SAE1: variants seen among roughly 807,000 people sequenced by gnomAD.
SAE1 encodes the protein SUMO-activating enzyme subunit 1.
A neutral mutation model predicts 40.6 loss-of-function variants in SAE1; 11 were observed. The observed-to-expected ratio is 0.27, with a 90% CI of 0.17 to 0.45. SAE1 has a LOEUF of 0.45. Among genes scored for constraint, SAE1 ranks in the 20% least tolerant of loss-of-function variants. The probability of loss-of-function intolerance (pLI) is 1.00; values close to 1 mark genes in which losing one functional copy is unlikely to be tolerated. For missense variants in SAE1, 373 were observed against 427.3 expected (o/e 0.87, Z 1.12); for synonymous variants, 155 against 154.3 (o/e 1.00, Z -0.03).
At chr19:47,168,368 G>A (rs1046882298) in intron 5 of SAE1, among the ~76,000 whole-genome samples, 1 of 151,826 alleles carries the variant, frequency 6.6e-6, no homozygotes, top group Admixed American at 6.6e-5. Context: ...GCAGTGGTAC[G>A]ATCTGGCTCA....
chr19:47,162,743 C>A (rs548042290), intron 5 of SAE1, among the ~76,000 whole-genome samples: 1 of 152,218 alleles, frequency 6.6e-6, no homozygotes, highest in South Asian at 2.1e-4. Context: ...GTAATCCCAG[C>A]ACTTTGGGAA....
intron 2 of SAE1, among the ~76,000 whole-genome samples, chr19:47,149,961 G>A (rs1191877425): frequency 1.3e-5 from 2 of 151,446 alleles, no homozygotes; most frequent in Admixed American, 1.3e-4. Flanking sequence ...TGTAGTCCCA[G>A]CTACTTGGGA....
chr19:47,154,880 A>G (rs923852853), intron 4 of SAE1, among the ~76,000 whole-genome samples: 1 of 152,194 alleles, frequency 6.6e-6, no homozygotes, highest in African/African-American at 2.4e-5. Flanking sequence ...TGTGCCCAGC[A>G]GTGTGCTGAG....
At chr19:47,151,421 G>A (rs905546341) in intron 3 of SAE1, among the ~76,000 whole-genome samples, 3 of 151,912 alleles carry the variant, frequency 2.0e-5, no homozygotes, top group Non-Finnish European at 4.4e-5. Flanking sequence ...AAAGTGGTGG[G>A]ATTACAGGTG....
intron 3 of SAE1, among the ~76,000 whole-genome samples, chr19:47,151,938 G>T (rs2058290915): frequency 6.6e-6 from 1 of 152,208 alleles, no homozygotes; most frequent in Non-Finnish European, 1.5e-5. Context: ...TTTAGACTCT[G>T]CAGGGTTCCA....
chr19:47,170,028 A>G, intron 6 of SAE1, 105 bp downstream of exon 6: 1 of 814,764 alleles, frequency 1.2e-6, no homozygotes, highest in Non-Finnish European at 2.1e-6. Flanking sequence ...CTTGGGTGGC[A>G]TTCTTCATTG....
At chr19:47,148,336 T>C (rs1349755447) in intron 2 of SAE1, among the ~76,000 whole-genome samples, 1 of 151,594 alleles carries the variant, frequency 6.6e-6, no homozygotes, top group Non-Finnish European at 1.5e-5. Context: ...AGATAGAGAG[T>C]GTGCTGTGGA....
chr19:47,204,323 A>T (rs895942727), intron 8 of SAE1, among the ~76,000 whole-genome samples: 5 of 148,562 alleles, frequency 3.4e-5, no homozygotes, highest in Admixed American at 6.9e-5. Context: ...TTAGCCTTCC[A>T]AGTAGCTGGG....
intron 5 of SAE1, among the ~76,000 whole-genome samples, chr19:47,158,812 G>A (rs118081969): frequency 0.013 from 2,028 of 152,340 alleles, 101 homozygotes; most frequent in Admixed American, 0.096. Flanking sequence ...CCACACAGCT[G>A]TGGAAGAAGG....
chr19:47,156,573 G>A (rs1383138534), intron 5 of SAE1, among the ~76,000 whole-genome samples: 1 of 151,656 alleles, frequency 6.6e-6, no homozygotes, highest in Non-Finnish European at 1.5e-5. Flanking sequence ...GTCCAGGCTG[G>A]AGTGGCACAA....
At chr19:47,194,330 G>C (rs1195549038) in intron 6 of SAE1, among the ~76,000 whole-genome samples, 1 of 152,186 alleles carries the variant, frequency 6.6e-6, no homozygotes, top group Non-Finnish European at 1.5e-5. Context: ...TCAGTCTGGG[G>C]TGGGTACCAA....
At chr19:47,169,235 G>A (rs538816570) in intron 5 of SAE1, among the ~76,000 whole-genome samples, 1 of 152,190 alleles carries the variant, frequency 6.6e-6, no homozygotes, top group African/African-American at 2.4e-5. Flanking sequence ...AATACAGCCA[G>A]AGGTTTTTTA....
At chr19:47,141,426 G>T (rs1195246344) in intron 1 of SAE1, among the ~76,000 whole-genome samples, 1 of 152,168 alleles carries the variant, frequency 6.6e-6, no homozygotes. Flanking sequence ...ACAGGCATGA[G>T]TCACCGGGCC....
rs137903335 is a variant in SAE1, at chr19:47,174,603, C to T, written c.733+4680C>T. 3.7e-3 allele frequency among the ~76,000 whole-genome samples: 490 copies of T among 131,420 alleles called. 3 individuals are homozygous for T. The highest frequency in any genetic ancestry group is 0.012 in the African/African-American group (393 of 33,964). The allele number at this position is 131,420 out of a possible 152,430, so 86.2% of individuals were successfully genotyped here. ...TTTTTTTTTTTGTGAGACGGAGTCT[C>T]GCTCTGTCTCCCAGCCTGGAGTGCA... On this transcript the variant is annotated intron_variant, in intron 6 of 8. Transcript: ENST00000270225.
intron 6 of SAE1, among the ~76,000 whole-genome samples, chr19:47,170,371 C>A (rs1454734833): frequency 6.6e-6 from 1 of 151,800 alleles, no homozygotes; most frequent in Non-Finnish European, 1.5e-5. Flanking sequence ...TGCACCACTG[C>A]GCCCGGCTAA....
At chr19:47,177,365 T>C (rs1024268990) in intron 6 of SAE1, among the ~76,000 whole-genome samples, 1 of 152,180 alleles carries the variant, frequency 6.6e-6, no homozygotes, top group Non-Finnish European at 1.5e-5. Context: ...TTGTTTGTTT[T>C]TTTTCCCCCC....
intron 3 of SAE1, among the ~76,000 whole-genome samples, chr19:47,151,298 C>T (rs2058286370): frequency 1.3e-5 from 2 of 151,498 alleles, no homozygotes; most frequent in Non-Finnish European, 2.9e-5. Flanking sequence ...TACAGGCACT[C>T]ACCACCATGC....
intron 2 of SAE1, among the ~76,000 whole-genome samples, chr19:47,146,238 G>T (rs890647608): frequency 1.1e-4 from 17 of 152,146 alleles, no homozygotes; most frequent in Non-Finnish European, 2.5e-4. Flanking sequence ...CCCACTGTAA[G>T]CTTTTACTTA....
chr19:47,173,113 C>A (rs575104688), intron 6 of SAE1, among the ~76,000 whole-genome samples: 28 of 152,262 alleles, frequency 1.8e-4, no homozygotes, highest in Middle Eastern at 3.4e-3. Flanking sequence ...ACTGCAACTT[C>A]TGCCTCCTGG....
Sources: allele counts gnomAD v4.1 joint callset (sites outside exome capture counted in the v4.1 genomes callset), GRCh38; gene constraint gnomAD v4.1.1; transcripts MANE v1.5; gene names NCBI Gene and HGNC (gene_info 2026-07-23, HGNC 2026-07-21).